Variants in KIAA0825 observed in about 807,000 individuals in gnomAD.
The protein encoded by KIAA0825 is uncharacterized protein KIAA0825.
In KIAA0825, 119 loss-of-function variants were observed where a neutral mutation model predicts 147.6. The ratio of observed to expected loss-of-function variants is 0.81; its 90% CI spans 0.69 to 0.94. The LOEUF (loss-of-function observed/expected upper bound fraction) is 0.94, where lower values mean the gene tolerates loss of function less well. Among genes scored for constraint, KIAA0825 ranks in the 40% least tolerant of loss-of-function variants. KIAA0825 has a pLI of 0.00. For missense variants in KIAA0825, 1,381 were observed against 1,472.7 expected (o/e 0.94, Z 1.02); for synonymous variants, 470 against 518.1 (o/e 0.91, Z 1.26).
chr5:94,268,378 C>T (rs1298168930), intron 20 of KIAA0825, among the ~76,000 whole-genome samples: 1 of 152,090 alleles, frequency 6.6e-6, no homozygotes. Context: ...AATACACAAG[C>T]AGCTGCTGCA....
intron 6 of KIAA0825, among the ~76,000 whole-genome samples, chr5:94,483,433 G>C (rs1762699643): frequency 6.6e-6 from 1 of 151,898 alleles, no homozygotes; most frequent in Non-Finnish European, 1.5e-5. Context: ...AATGTCAACT[G>C]TTCCAGGAAC....
chr5:94,564,596 G>GT (rs1778266778), intron 2 of KIAA0825, among the ~76,000 whole-genome samples: 1 of 143,714 alleles, frequency 7.0e-6, no homozygotes, highest in Non-Finnish European at 1.5e-5. Flanking sequence ...TGGAGATGAG[G>GT]TATCCCTACA....
chr5:94,373,911 A>G (rs1747127687), intron 20 of KIAA0825, among the ~76,000 whole-genome samples: 1 of 151,982 alleles, frequency 6.6e-6, no homozygotes, highest in Non-Finnish European at 1.5e-5. Flanking sequence ...ATAAGCAAAC[A>G]GATATCCAAT....
At chr5:94,499,086 T>C (rs567865528) in intron 5 of KIAA0825, among the ~76,000 whole-genome samples, 1 of 152,316 alleles carries the variant, frequency 6.6e-6, no homozygotes, top group African/African-American at 2.4e-5. Context: ...TTTCAAACTT[T>C]AGAAAAAATT....
At chr5:94,155,297 G>A (rs1181982818) in intron 20 of KIAA0825, among the ~76,000 whole-genome samples, 4 of 149,068 alleles carry the variant, frequency 2.7e-5, no homozygotes, top group South Asian at 2.1e-4. Context: ...GGCTCACTGC[G>A]GGCTTGACCT....
intron 20 of KIAA0825, among the ~76,000 whole-genome samples, chr5:94,286,817 C>T (rs1562350221): frequency 2.0e-5 from 3 of 152,104 alleles, no homozygotes; most frequent in Non-Finnish European, 2.9e-5. Flanking sequence ...CTGGCTTCAC[C>T]TATGGGGGAC....
intron 14 of KIAA0825, among the ~76,000 whole-genome samples, chr5:94,422,863 T>G (rs1754377601): frequency 6.6e-6 from 1 of 152,172 alleles, no homozygotes; most frequent in Admixed American, 6.6e-5. Flanking sequence ...TAGAGCAACA[T>G]CTAACCCACA....
intron 20 of KIAA0825, among the ~76,000 whole-genome samples, chr5:94,320,025 C>T (rs1184922193): frequency 6.6e-6 from 1 of 151,948 alleles, no homozygotes; most frequent in African/African-American, 2.4e-5. Context: ...ATATGCTGTT[C>T]CCTATGCATG....
intron 20 of KIAA0825, among the ~76,000 whole-genome samples, chr5:94,215,341 GA>G (rs1197729194): frequency 1.3e-5 from 2 of 152,208 alleles, no homozygotes; most frequent in Non-Finnish European, 2.9e-5. Context: ...TAGGCCAGAG[GA>G]GAAACCAACA....
intron 20 of KIAA0825, among the ~76,000 whole-genome samples, chr5:94,228,121 C>G (rs1244960250): frequency 6.6e-6 from 1 of 152,082 alleles, no homozygotes; most frequent in Non-Finnish European, 1.5e-5. Context: ...ATTCTACTGG[C>G]TATTTTTGAG....
At chr5:94,154,876 C>T (rs557126030) in intron 20 of KIAA0825, among the ~76,000 whole-genome samples, 1 of 152,252 alleles carries the variant, frequency 6.6e-6, no homozygotes, top group African/African-American at 2.4e-5. Context: ...CAGGACTGCC[C>T]AGAGTATACT....
intron 5 of KIAA0825, among the ~76,000 whole-genome samples, chr5:94,499,504 C>T (rs1487928220): frequency 2.0e-5 from 3 of 147,858 alleles, no homozygotes; most frequent in African/African-American, 4.9e-5. Context: ...TTCCTGGAAT[C>T]GCTTTCTTCT....
intron 11 of KIAA0825, among the ~76,000 whole-genome samples, chr5:94,464,180 C>T (rs1224815127): frequency 2.0e-5 from 3 of 150,346 alleles, no homozygotes; most frequent in Admixed American, 1.3e-4. Flanking sequence ...AGAATATTTA[C>T]AAAACAAAAG....
intron 1 of KIAA0825, among the ~76,000 whole-genome samples, chr5:94,611,574 A>G (rs1002624633): frequency 4.0e-5 from 6 of 151,592 alleles, no homozygotes; most frequent in Non-Finnish European, 7.4e-5. Flanking sequence ...GTGGCTACAG[A>G]GGTATCTTTG....
At chr5:94,551,807 T>C (rs1775586263) in intron 2 of KIAA0825, among the ~76,000 whole-genome samples, 1 of 151,362 alleles carries the variant, frequency 6.6e-6, no homozygotes, top group Non-Finnish European at 1.5e-5. Flanking sequence ...GAAAAAGGAA[T>C]CAAACTTTAA....
rs114636311 is a variant in KIAA0825 at position 94,188,685 on chromosome 5, T to C, written c.3711-34561A>G. 9.9e-3 allele frequency among the ~76,000 whole-genome samples: 1,503 copies of C among 152,286 alleles called. 25 individuals are homozygous for C. Among genetic ancestry groups the C allele is most frequent in the African/African-American group, 0.035 (1,437 of 41,566 alleles). On this transcript the variant is annotated intron_variant, in intron 20 of 20. Transcript: ENST00000682413. ...TTATTCGTTCAACAGTTGATGGACATTTGGGTTGCTTCCCACTTTGGTTGT... is the reference window on the plus strand; with the variant it reads ...TTATTCGTTCAACAGTTGATGGACACTTGGGTTGCTTCCCACTTTGGTTGT...
intron 20 of KIAA0825, among the ~76,000 whole-genome samples, chr5:94,334,125 CA>C (rs1781554903): frequency 6.7e-6 from 1 of 150,034 alleles, no homozygotes. Flanking sequence ...AGTGCATCTA[CA>C]AAAAAATTAC....
At chr5:94,532,213 C>T (rs534574941) in intron 3 of KIAA0825, among the ~76,000 whole-genome samples, 2 of 152,138 alleles carry the variant, frequency 1.3e-5, no homozygotes, top group African/African-American at 2.4e-5. Flanking sequence ...AGTGGTGCAA[C>T]GAGAGCTCAC....
intron 20 of KIAA0825, among the ~76,000 whole-genome samples, chr5:94,317,250 TC>T (rs746468807): frequency 3.3e-5 from 5 of 151,736 alleles, no homozygotes; most frequent in Non-Finnish European, 5.9e-5. Flanking sequence ...GAAATAACTA[TC>T]CATAAGTGAT....
Sources: allele counts gnomAD v4.1 joint callset (sites outside exome capture counted in the v4.1 genomes callset), GRCh38; gene constraint gnomAD v4.1.1; transcripts MANE v1.5; gene names NCBI Gene and HGNC (gene_info 2026-07-23, HGNC 2026-07-21).